GRM7: variants seen among roughly 807,000 people sequenced by gnomAD.
GRM7 encodes the protein metabotropic glutamate receptor 7.
Under a neutral mutation model 84.5 loss-of-function variants are expected in GRM7, and 35 were observed. That is an observed-to-expected ratio of 0.41 (90% CI 0.32 to 0.55). The LOEUF (loss-of-function observed/expected upper bound fraction) is 0.55. GRM7 is among the 20% of genes least tolerant of loss of function. The pLI, the probability that GRM7 is intolerant of heterozygous loss-of-function variation, is 0.19. For synonymous variants in GRM7, 487 were observed against 455.1 expected (o/e 1.07, Z -0.89); for missense variants, 1,003 against 1,194.6 (o/e 0.84, Z 2.36).
intron 4 of GRM7, among the ~76,000 whole-genome samples, chr3:7,312,928 CTTTTTTTCTTTT>C (rs1380765798): frequency 8.1e-6 from 1 of 124,110 alleles, no homozygotes; most frequent in African/African-American, 3.5e-5. Context: ...CCTTTTTTTT[CTTTTTTTCTTTT>C]TTTTTTTTTT....
At chr3:7,407,935 G>A (rs572144070) in intron 4 of GRM7, among the ~76,000 whole-genome samples, 14 of 152,212 alleles carry the variant, frequency 9.2e-5, no homozygotes, top group African/African-American at 3.1e-4. Context: ...TTTCTATTAA[G>A]TTAGCTTACA....
rs557913561 is a variant in GRM7, at chr3:7,134,506, A to G, written c.520-11946A>G. Among the ~76,000 whole-genome samples the G allele has an allele frequency of 1.1e-4, 16 of 152,286 alleles. No homozygotes were observed. The South Asian group carries it at 3.3e-3, about 32-fold the overall frequency. On this transcript the variant is annotated intron_variant, in intron 1 of 9. Transcript: ENST00000357716. ...TTCCTCTCAGATATTTTATTTTAAA[A>G]AAAGTTCCTTTCATCTAGAAATTCT...
chr3:7,206,002 A>G (rs183629559), intron 2 of GRM7, among the ~76,000 whole-genome samples: 49 of 152,294 alleles, frequency 3.2e-4, no homozygotes, highest in African/African-American at 1.2e-3. Flanking sequence ...CATTGTATCA[A>G]TACTCTGGTC....
intron 8 of GRM7, among the ~76,000 whole-genome samples, chr3:7,621,541 T>C (rs1456032691): frequency 6.6e-6 from 1 of 151,990 alleles, no homozygotes; most frequent in East Asian, 1.9e-4. Context: ...CACGATGGAG[T>C]TGAAATGCTT....
intron 1 of GRM7, among the ~76,000 whole-genome samples, chr3:6,909,543 G>A (rs1246802337): frequency 6.6e-6 from 1 of 152,060 alleles, no homozygotes; most frequent in African/African-American, 2.4e-5. Flanking sequence ...TTAGTTAGAT[G>A]GGTGGATCAA....
chr3:7,656,308 G>T (rs1559468198), intron 8 of GRM7, among the ~76,000 whole-genome samples: 1 of 152,028 alleles, frequency 6.6e-6, no homozygotes, highest in Admixed American at 6.6e-5. Context: ...GGCCAATATG[G>T]CAAAACCCTG....
intron 2 of GRM7, among the ~76,000 whole-genome samples, chr3:7,162,022 G>A (rs765004093): frequency 1.3e-5 from 2 of 152,152 alleles, no homozygotes; most frequent in Non-Finnish European, 2.9e-5. Context: ...TGAAGGAGAT[G>A]TATATATTTA....
rs1418482884 is a variant in GRM7, at chr3:7,306,163, G to T, written c.879-335G>T. Among the ~76,000 whole-genome samples, 8 of 152,154 alleles carry T rather than the reference G, an allele frequency of 5.3e-5. No individual in the cohort carries two copies. The East Asian group carries it at 1.5e-3, about 29-fold the overall frequency. ...CTCTTAAAACAAAACAAACATTTTG[G>T]CCAATATGTGAAATGAATTTGGTAT... is the stretch of plus-strand genomic sequence containing the variant. On this transcript the variant is annotated intron_variant, in intron 3 of 9. Coordinates refer to ENST00000357716, the MANE Select transcript of GRM7 (RefSeq NM_000844.4).
At chr3:7,136,548 G>A (rs994935994) in intron 1 of GRM7, among the ~76,000 whole-genome samples, 2 of 146,620 alleles carry the variant, frequency 1.4e-5, no homozygotes, top group Admixed American at 6.7e-5. Context: ...AAAGTATGCC[G>A]AGGAAAAGAA....
intron 7 of GRM7, among the ~76,000 whole-genome samples, chr3:7,553,127 T>C (rs142294454): frequency 2.0e-5 from 3 of 152,336 alleles, no homozygotes; most frequent in Non-Finnish European, 4.4e-5. Context: ...CTAAGTCATC[T>C]CTCTCAAGTG....
chr3:7,563,235 A>G (rs969531413), intron 7 of GRM7, among the ~76,000 whole-genome samples: 20 of 152,154 alleles, frequency 1.3e-4, no homozygotes, highest in African/African-American at 4.6e-4. Context: ...AGTTTGTTAT[A>G]TTTAAAGCTA....
chr3:6,891,264 A>G (rs565841817), intron 1 of GRM7, among the ~76,000 whole-genome samples: 1 of 152,196 alleles, frequency 6.6e-6, no homozygotes, highest in African/African-American at 2.4e-5. Flanking sequence ...TGTGAATTTG[A>G]TCCTGTCATT....
chr3:6,970,562 G>A (rs1169698128), intron 1 of GRM7, among the ~76,000 whole-genome samples: 1 of 152,218 alleles, frequency 6.6e-6, no homozygotes, highest in Non-Finnish European at 1.5e-5. Flanking sequence ...TGATTGGTAA[G>A]AGGGAAAGCC....
chr3:6,945,213 T>TG, intron 1 of GRM7, among the ~76,000 whole-genome samples: 1 of 78,400 alleles, frequency 1.3e-5, no homozygotes, highest in Non-Finnish European at 2.6e-5. Context: ...CCCTCCCGCC[T>TG]CCCCCCACCC....
intron 4 of GRM7, among the ~76,000 whole-genome samples, chr3:7,334,372 C>G (rs58604449): frequency 0.039 from 5,949 of 152,038 alleles, 247 homozygotes; most frequent in African/African-American, 0.11. Context: ...TGCCTGCTAC[C>G]AAGCCAGCCC....
intron 4 of GRM7, chr3:7,403,123 C>A: frequency 2.3e-6 from 1 of 443,110 alleles, no homozygotes; most frequent in Non-Finnish European, 4.5e-6. Context: ...TTCTACAATG[C>A]ACAATAATTT....
chr3:7,361,714 G>A (rs965988288), intron 4 of GRM7, among the ~76,000 whole-genome samples: 2 of 152,074 alleles, frequency 1.3e-5, no homozygotes, highest in African/African-American at 4.8e-5. Context: ...AAAATATATG[G>A]CTCACAGAAG....
chr3:7,354,861 T>G (rs1396065980), intron 4 of GRM7, among the ~76,000 whole-genome samples: 2 of 152,198 alleles, frequency 1.3e-5, no homozygotes, highest in African/African-American at 4.8e-5. Flanking sequence ...CAGGAGAAGT[T>G]TGCTTTAAAC....
intron 1 of GRM7, among the ~76,000 whole-genome samples, chr3:7,141,971 GT>G (rs1413518819): frequency 1.3e-5 from 2 of 151,792 alleles, no homozygotes; most frequent in African/African-American, 4.8e-5. Context: ...AAATATTTTT[GT>G]TACTTTGAGG....
Sources: gnomAD v4.1 joint callset for allele counts (sites outside exome capture counted in the v4.1 genomes callset) on GRCh38, gnomAD v4.1.1 for gene constraint, MANE v1.5 for transcripts, NCBI Gene and HGNC (gene_info 2026-07-23, HGNC 2026-07-21) for gene names.